PARVB: variants seen among roughly 807,000 people sequenced by gnomAD.
PARVB encodes the protein parvin beta.
Under a neutral mutation model 47.0 loss-of-function variants are expected in PARVB, and 46 were observed. The observed-to-expected ratio is 0.98, with a 90% CI of 0.77 to 1.25. The LOEUF (loss-of-function observed/expected upper bound fraction) is 1.25. PARVB is among the 50% of genes most tolerant of loss of function. The pLI, the probability that PARVB is intolerant of heterozygous loss-of-function variation, is 0.00. For missense variants in PARVB, 473 were observed against 471.6 expected, an observed-to-expected ratio of 1.00 and a Z score of -0.03; for synonymous variants, 196 against 196.3, an observed-to-expected ratio of 1.00 and a Z score of 0.01.
chr22:44,030,381 GGGCTCCTGAGGAGACCCCCAGGCA>G (rs1273088705), intron 1 of PARVB, among the ~76,000 whole-genome samples: 16 of 152,216 alleles, frequency 1.1e-4, no homozygotes, highest in African/African-American at 3.9e-4. Flanking sequence ...GAGGGGGAGG[GGGCTCCTGAGGAGACCCCCAGGCA>G]GGCTCCCAGT....
intron 1 of PARVB, among the ~76,000 whole-genome samples, chr22:44,090,809 A>G (rs2052148888): frequency 1.3e-5 from 2 of 152,190 alleles, no homozygotes; most frequent in Non-Finnish European, 1.5e-5. Context: ...GTGTCCTCCT[A>G]TGATGCCAGC....
Position 44,136,505 on chromosome 22 carries a change from A to C in PARVB, c.679A>C (p.Thr227Pro). 6.2e-7 allele frequency: 1 copy of C among 1,613,828 alleles called. No individual in the cohort carries two copies. The highest frequency in any genetic ancestry group is 2.2e-5 in the East Asian group (1 of 44,872). Residue 227 changes from threonine to proline, a missense_variant, in exon 7 of 13, where the codon ACC becomes CCC. Thr to Pro is a conservative substitution (Grantham distance 38). Transcript: ENST00000338758. ...TTCCAGCCACATCTCGGAGGAGCTG[A>C]CCACAACTACAGAGTAAGTGGACCC... Reference protein sequence around the residue: ...LHSSHISEELTTTTEMMMGRF... With the variant: ...LHSSHISEELPTTTEMMMGRF...
chr22:44,126,120 C>T (rs2053180427), intron 4 of PARVB, among the ~76,000 whole-genome samples: 1 of 152,118 alleles, frequency 6.6e-6, no homozygotes, highest in African/African-American at 2.4e-5. Flanking sequence ...GTCCAGGCTG[C>T]AGTGTACGTG....
intron 1 of PARVB, among the ~76,000 whole-genome samples, chr22:44,044,358 T>C (rs2051076580): frequency 6.6e-6 from 1 of 151,814 alleles, no homozygotes; most frequent in African/African-American, 2.4e-5. Context: ...GCCTGGCTAA[T>C]TTTTTGTGTT....
At chr22:44,106,332 C>T (rs1289237457) in intron 3 of PARVB, 1 of 152,082 alleles carries the variant, frequency 6.6e-6, no homozygotes, top group Non-Finnish European at 1.5e-5. Context: ...TCCACATTAC[C>T]TGCGTAATTC....
intron 4 of PARVB, among the ~76,000 whole-genome samples, chr22:44,122,528 C>CAGAG (rs1286346736): frequency 0.063 from 3,518 of 55,832 alleles, 192 homozygotes; most frequent in Non-Finnish European, 0.1. Context: ...GACAGAGAGA[C>CAGAG]AGAGAGAGAG....
intron 1 of PARVB, among the ~76,000 whole-genome samples, chr22:44,032,064 T>G (rs958737591): frequency 6.6e-6 from 1 of 152,226 alleles, no homozygotes; most frequent in East Asian, 1.9e-4. Flanking sequence ...TGGAGGATAT[T>G]ATAAGCATAC....
At chr22:44,157,859 C>G in intron 10 of PARVB, 123 bp from the exon 11 acceptor site, 1 of 674,886 alleles carries the variant, frequency 1.5e-6, no homozygotes, top group Non-Finnish European at 2.7e-6. Flanking sequence ...CATCAGTGCA[C>G]TCCAGCCTGG....
chr22:44,041,667 T>C (rs901842878), intron 1 of PARVB, among the ~76,000 whole-genome samples: 15 of 152,174 alleles, frequency 9.9e-5, no homozygotes, highest in African/African-American at 3.6e-4. Flanking sequence ...GAGGATTGCT[T>C]GAGCCCAGGA....
At chr22:44,035,798 T>G (rs867594087) in intron 1 of PARVB, among the ~76,000 whole-genome samples, 1 of 138,628 alleles carries the variant, frequency 7.2e-6, no homozygotes, top group Non-Finnish European at 1.5e-5. Flanking sequence ...AACAGATCAC[T>G]TTTTTTTTTT....
At chr22:44,099,834 C>T (rs985848193) in intron 2 of PARVB, among the ~76,000 whole-genome samples, 12 of 152,044 alleles carry the variant, frequency 7.9e-5, no homozygotes, top group South Asian at 2.1e-4. Flanking sequence ...GGAGCGAGGC[C>T]GGGCAGAATG....
rs565714472 is a variant in PARVB, at chr22:44,072,219, G to A, written c.113-21709G>A. Among the ~76,000 whole-genome samples, 170 of 152,226 alleles carry A rather than the reference G, an allele frequency of 1.1e-3. 1 individual carries two copies. Among genetic ancestry groups the A allele is most frequent in the Non-Finnish European group, 2.1e-3 (142 of 68,022 alleles). On this transcript the variant is annotated intron_variant, in intron 1 of 12. Coordinates refer to ENST00000338758, the MANE Select transcript of PARVB (RefSeq NM_013327.5). ...CCCTCCCTACCCTGTCCCCCTTTCC[G>A]GGCTATTGGGAGGCTGAGCGAGCTC... is the stretch of plus-strand genomic sequence containing the variant.
intron 10 of PARVB, among the ~76,000 whole-genome samples, chr22:44,156,383 G>C (rs1174982482): frequency 6.7e-6 from 1 of 150,042 alleles, no homozygotes; most frequent in Non-Finnish European, 1.5e-5. Context: ...GGGTTAAAGC[G>C]ATTCTCCTGC....
At chr22:44,088,202 A>C (rs537608982) in intron 1 of PARVB, among the ~76,000 whole-genome samples, 1 of 152,152 alleles carries the variant, frequency 6.6e-6, no homozygotes, top group Admixed American at 6.5e-5. Flanking sequence ...AAGGCCTACT[A>C]TGTGCAGGAA....
intron 1 of PARVB, among the ~76,000 whole-genome samples, chr22:44,027,821 C>T (rs2050755762): frequency 6.6e-6 from 1 of 151,220 alleles, no homozygotes; most frequent in Non-Finnish European, 1.5e-5. Flanking sequence ...TCGCTTGAAC[C>T]TGGGAGGTGG....
Position 44,068,062 on chromosome 22 carries a change from C to T in PARVB, c.113-25866C>T, listed in dbSNP as rs574216709. 5.3e-5 allele frequency among the ~76,000 whole-genome samples: 8 copies of T among 152,056 alleles called. No individual in the cohort carries two copies. Among genetic ancestry groups the T allele is most frequent in the East Asian group, 1.9e-4 (1 of 5,132 alleles). On this transcript the variant is annotated intron_variant, in intron 1 of 12. Coordinates refer to ENST00000338758, the MANE Select transcript of PARVB (RefSeq NM_013327.5). This position sits in a 1 kb window ranked among gnomAD's most constrained non-coding sequence, Gnocchi z 4.1. ...GCCCCGCCTGGAGCACCTGCTGGGT[C>T]GGGACATGGGCCTCCCGTGGGCCTC...
rs1002398322 is a variant in PARVB at position 44,168,812 on chromosome 22, C to G, written c.*134C>G. The G allele has an allele frequency of 3.2e-6, 2 of 628,458 alleles. No individual in the cohort carries two copies. The highest frequency in any genetic ancestry group is 3.7e-5 in the African/African-American group (2 of 54,448). The allele number at this position is 628,458 out of a possible 1,614,324, so 38.9% of individuals were successfully genotyped here. A position where few individuals can be genotyped will look rare whatever the true frequency, so the allele number is the denominator to read the frequency against. ...GTGTTGACTGTCATCCCCACCCCACCCCTACCTCACGCCTGCCCCACCCCC... is the reference window on the plus strand; with the variant it reads ...GTGTTGACTGTCATCCCCACCCCACGCCTACCTCACGCCTGCCCCACCCCC... On this transcript the variant is annotated 3_prime_UTR_variant, in exon 13 of 13. Transcript: ENST00000338758.
At chr22:44,074,129 T>C (rs559535264) in intron 1 of PARVB, among the ~76,000 whole-genome samples, 3 of 151,912 alleles carry the variant, frequency 2.0e-5, no homozygotes, top group East Asian at 3.9e-4. Flanking sequence ...GGTGTGTGAG[T>C]GGGGGTCCTG....
intron 8 of PARVB, chr22:44,146,925 C>T (rs1391131253): frequency 6.6e-6 from 1 of 152,542 alleles, no homozygotes; most frequent in East Asian, 1.9e-4. Flanking sequence ...CCCTGGGCCC[C>T]TTCCAAATGC....
Sources: gnomAD v4.1 joint callset for allele counts (sites outside exome capture counted in the v4.1 genomes callset) on GRCh38, gnomAD v4.1.1 for gene constraint, Gnocchi (gnomAD v3.1) non-coding constraint, MANE v1.5 for transcripts, NCBI Gene and HGNC (gene_info 2026-07-23, HGNC 2026-07-21) for gene names.